Variants in STK33 observed in about 807,000 individuals in gnomAD.
STK33 encodes serine/threonine-protein kinase 33.
A neutral mutation model predicts 58.0 loss-of-function variants in STK33; 52 were observed. The ratio of observed to expected loss-of-function variants is 0.90; its 90% confidence interval spans 0.72 to 1.13. STK33 has a LOEUF of 1.13. Among genes scored for constraint, STK33 ranks in the 50% most tolerant of loss-of-function variants. STK33 has a pLI of 0.00. For missense variants in STK33, 630 were observed against 604.2 expected, an observed-to-expected ratio of 1.04 and a Z score of -0.45; for synonymous variants, 215 against 200.1, an observed-to-expected ratio of 1.07 and a Z score of -0.63.
At chr11:8,429,749 C>T (rs1009064415) in intron 14 of STK33, among the ~76,000 whole-genome samples, 1 of 152,098 alleles carries the variant, frequency 6.6e-6, no homozygotes, top group Admixed American at 6.5e-5. Flanking sequence ...CTACTTGTTC[C>T]CAGCCTGTTC....
the STK33 span, among the ~76,000 whole-genome samples, chr11:8,357,172 T>C: frequency 6.6e-6 from 1 of 152,250 alleles, no homozygotes. Context: ...GCTCTTCAAG[T>C]TTCCCGTCCT....
the STK33 span, among the ~76,000 whole-genome samples, chr11:8,375,585 C>T: frequency 7.9e-4 from 120 of 152,296 alleles, no homozygotes; most frequent in African/African-American, 2.8e-3. Context: ...ACACACGGTG[C>T]CAGCAGTGAG....
At chr11:8,558,111 A>G (rs1341432671) in intron 1 of STK33, among the ~76,000 whole-genome samples, 1 of 152,194 alleles carries the variant, frequency 6.6e-6, no homozygotes, top group Non-Finnish European at 1.5e-5. Context: ...AGAAATGTTG[A>G]GCTAACTTGG....
intron 10 of STK33, among the ~76,000 whole-genome samples, chr11:8,454,512 T>C (rs1358054705): frequency 1.3e-5 from 2 of 152,354 alleles, no homozygotes; most frequent in Admixed American, 6.5e-5. Context: ...ACTAATGATT[T>C]AGAATTATTC....
intron 1 of STK33, among the ~76,000 whole-genome samples, chr11:8,586,053 CA>C (rs140829720): frequency 6.6e-6 from 1 of 151,310 alleles, no homozygotes; most frequent in Non-Finnish European, 1.5e-5. Context: ...AACTCCATCT[CA>C]AAAAACAAAA....
intron 15 of STK33, among the ~76,000 whole-genome samples, chr11:8,400,776 A>G (rs2135275959): frequency 6.6e-6 from 1 of 152,376 alleles, no homozygotes; most frequent in East Asian, 1.9e-4. Context: ...GCAAAGTCTC[A>G]GGATACAAAA....
At chr11:8,433,478 T>C (rs1943657852) in intron 14 of STK33, among the ~76,000 whole-genome samples, 2 of 152,222 alleles carry the variant, frequency 1.3e-5, no homozygotes, top group Non-Finnish European at 2.9e-5. Context: ...TGTATACTCA[T>C]GATTCTCAAA....
At chr11:8,422,946 C>T (rs942522855) in intron 14 of STK33, among the ~76,000 whole-genome samples, 3 of 151,328 alleles carry the variant, frequency 2.0e-5, no homozygotes, top group Non-Finnish European at 2.9e-5. Flanking sequence ...CCACCTCAGC[C>T]TTTCGAGTAG....
chr11:8,385,654 A>G, the STK33 span, among the ~76,000 whole-genome samples: 1 of 152,080 alleles, frequency 6.6e-6, no homozygotes, highest in Admixed American at 6.6e-5. Context: ...CAAGCTCCCT[A>G]TGTTGGGCAA....
the STK33 span, among the ~76,000 whole-genome samples, chr11:8,348,769 T>C: frequency 6.6e-6 from 1 of 152,162 alleles, no homozygotes; most frequent in East Asian, 1.9e-4. Context: ...GTTTTGGAAG[T>C]CTGCACGTTG....
intron 15 of STK33, among the ~76,000 whole-genome samples, chr11:8,400,714 G>C (rs992646348): frequency 2.3e-4 from 35 of 152,192 alleles, no homozygotes; most frequent in Non-Finnish European, 1.8e-4. Context: ...TGTATATCTA[G>C]AAAACCCCAT....
chr11:8,534,958 C>G (rs144853125), intron 1 of STK33, among the ~76,000 whole-genome samples: 23 of 152,174 alleles, frequency 1.5e-4, no homozygotes, highest in African/African-American at 5.5e-4. Flanking sequence ...AAATATTCCC[C>G]TGGGATGATA....
At chr11:8,337,094 C>T in the STK33 span, among the ~76,000 whole-genome samples, 1 of 152,238 alleles carries the variant, frequency 6.6e-6, no homozygotes, top group African/African-American at 2.4e-5. Flanking sequence ...TCTGAGCAAG[C>T]GGCCTTCCCA....
chr11:8,584,350 T>A lies in STK33; in HGVS notation c.-466+9733A>T, dbSNP rs369724443. 1.6e-3 allele frequency among the ~76,000 whole-genome samples: 250 copies of A among 152,306 alleles called. 2 individuals carry two copies. Among genetic ancestry groups the A allele is most frequent in the African/African-American group, 5.7e-3 (237 of 41,568 alleles). ...TAAGTGACCTCTGGAACTTCATACA[T>A]ATTCCTTCATGTCTGAAGTGCCAGC... On this transcript the variant is annotated intron_variant, in intron 1 of 15. Transcript: ENST00000687296.
chr11:8,379,844 C>T, the STK33 span, among the ~76,000 whole-genome samples: 2 of 152,156 alleles, frequency 1.3e-5, no homozygotes, highest in Non-Finnish European at 2.9e-5. Context: ...AAGTCCTCAT[C>T]ATTTAACTCC....
Position 8,457,445 on chromosome 11 carries a change from C to T in STK33, c.593G>A (p.Gly198Glu), listed in dbSNP as rs773374779. 1.2e-6 allele frequency: 2 copies of T among 1,603,732 alleles called. No homozygotes were observed. Among genetic ancestry groups the T allele is most frequent in the Admixed American group, 1.7e-5 (1 of 59,960 alleles). Residue 198 changes from glycine to glutamate, a missense_variant, in exon 9 of 16, where the codon GGA (glycine) becomes GAA (glutamate). By Grantham distance (98) the Gly-to-Glu change is moderately conservative. Coordinates refer to ENST00000687296, the MANE Select transcript of STK33 (RefSeq NM_001352389.2). ...MYLVMELCED[G>E]ELKEILDRKG... is the part of the protein sequence containing the mutation. Reference sequence around the variant, plus strand: ...CCTATCCAGAATTTCTTTGAGTTCTCCATCCTCACAAAGCTCCATCACAAG... The same window carrying T: ...CCTATCCAGAATTTCTTTGAGTTCTTCATCCTCACAAAGCTCCATCACAAG...
chr11:8,369,463 G>A, the STK33 span, among the ~76,000 whole-genome samples: 1 of 151,354 alleles, frequency 6.6e-6, no homozygotes, highest in Non-Finnish European at 1.5e-5. Context: ...TCCAGAGAAT[G>A]AGGAGGCTAA....
At chr11:8,400,574 C>T (rs571954164) in intron 15 of STK33, among the ~76,000 whole-genome samples, 30 of 152,260 alleles carry the variant, frequency 2.0e-4, no homozygotes, top group Non-Finnish European at 3.4e-4. Context: ...CAGGGATGCC[C>T]TCTCTCACCA....
intron 1 of STK33, among the ~76,000 whole-genome samples, chr11:8,481,827 T>C (rs1225752043): frequency 1.3e-5 from 2 of 152,222 alleles, no homozygotes; most frequent in Non-Finnish European, 2.9e-5. Context: ...ATTTTGGTGA[T>C]GGACCATATT....
Sources: gnomAD v4.1 joint callset for allele counts (sites outside exome capture counted in the v4.1 genomes callset) on GRCh38, gnomAD v4.1.1 for gene constraint, MANE v1.5 for transcripts, NCBI Gene and HGNC (gene_info 2026-07-23, HGNC 2026-07-21) for gene names.